Variants in BRDT observed in about 807,000 individuals in gnomAD.
The protein encoded by BRDT is bromodomain testis-specific protein.
BRDT carries 77 observed loss-of-function variants against 113.9 expected under a neutral mutation model. The observed-to-expected ratio is 0.68, with a 90% CI of 0.56 to 0.82. BRDT has a LOEUF of 0.82. BRDT is among the 40% of genes least tolerant of loss of function. The pLI, the probability that BRDT is intolerant of heterozygous loss-of-function variation, is 0.00. For missense variants in BRDT, 1,027 were observed against 1,105.4 expected (o/e 0.93, Z 1.01); for synonymous variants, 358 against 366.5 (o/e 0.98, Z 0.26).
chr1:91,975,047 C>G (rs575670393), intron 4 of BRDT, among the ~76,000 whole-genome samples: 1 of 151,976 alleles, frequency 6.6e-6, no homozygotes, highest in African/African-American at 2.4e-5. Flanking sequence ...ATCCAAACAC[C>G]GTATGTTCTC....
chr1:91,995,363 T>C (rs1255501134), intron 15 of BRDT, among the ~76,000 whole-genome samples: 1 of 151,912 alleles, frequency 6.6e-6, no homozygotes, highest in Non-Finnish European at 1.5e-5. Context: ...GATGTTTTGA[T>C]CCTTCTTCAC....
intron 12 of BRDT, among the ~76,000 whole-genome samples, chr1:91,987,508 G>C (rs542834374): frequency 6.6e-6 from 1 of 150,570 alleles, no homozygotes; most frequent in African/African-American, 2.4e-5. Context: ...TAATTTTTTT[G>C]ATATTTTTTA....
chr1:91,980,585 C>G, intron 8 of BRDT, 58 bp from the exon 9 acceptor site: 197 of 1,145,402 alleles, frequency 1.7e-4, no homozygotes, highest in Admixed American at 2.6e-4. Flanking sequence ...TGATTTTTTT[C>G]TAGTTTCTTT....
chr1:91,994,153 T>C lies in BRDT; in HGVS notation c.2186T>C (p.Val729Ala), dbSNP rs770154653. 1 of 1,613,754 alleles carries C rather than the reference T, an allele frequency of 6.2e-7. No homozygotes were observed. The highest frequency in any genetic ancestry group is 8.5e-7 in the Non-Finnish European group (1 of 1,179,796). ...TLVHQTTPSH[V>A]MPPNHHQLAF... Reference sequence around the variant, plus strand: ...GTTCATCAGACCACACCTTCACATGTAATGCCACCAAATCACCACCAATTA... The same window carrying C: ...GTTCATCAGACCACACCTTCACATGCAATGCCACCAAATCACCACCAATTA... Residue 729 changes from valine (V) to alanine (A), a missense_variant, in exon 15 of 19, where the codon GTA becomes GCA. Physicochemically the swap from Val to Ala is moderately conservative, Grantham distance 64 (BLOSUM62 0). Coordinates refer to ENST00000399546, the MANE Select transcript of BRDT (RefSeq NM_207189.4).
chr1:91,961,198 C>T (rs1039042031), intron 1 of BRDT, among the ~76,000 whole-genome samples: 2 of 152,108 alleles, frequency 1.3e-5, no homozygotes, highest in African/African-American at 4.8e-5. Context: ...GTAATCCCAG[C>T]TACTCAGGAA....
rs1479587829 is a variant in BRDT at position 91,962,769 on chromosome 1, T to G, written c.15T>G (p.Ser5Arg). 6.3e-7 allele frequency: 1 copy of G among 1,589,696 alleles called. No individual in the cohort carries two copies. Among genetic ancestry groups the G allele is most frequent in the Non-Finnish European group, 8.5e-7 (1 of 1,170,576 alleles). Residue 5 changes from serine to arginine, a missense_variant, in exon 2 of 19, where the codon AGT (serine) becomes AGG (arginine). Transcript: ENST00000399546. ...AGCAGTTAAGAATGTCTCTGCCAAG[T>G]CGACAAACAGCTATTATTGTTAACC... MSLP[S>R]RQTAIIVNPP...
At chr1:92,014,109 A>G (rs530644187) in intron 18 of BRDT, 97 bp from the exon 19 acceptor site, 20 of 760,920 alleles carry the variant, frequency 2.6e-5, no homozygotes, top group South Asian at 1.0e-4. Flanking sequence ...TTTCTTTTGT[A>G]TGATTTGTTC....
chr1:92,012,850 C>T (rs536919505), intron 18 of BRDT, among the ~76,000 whole-genome samples: 151 of 152,056 alleles, frequency 9.9e-4, no homozygotes, highest in African/African-American at 3.6e-3. Context: ...GCAGAGGTTG[C>T]AGTGAGCTGA....
chr1:92,003,613 T>C (rs545732435), intron 16 of BRDT, among the ~76,000 whole-genome samples: 1 of 152,292 alleles, frequency 6.6e-6, no homozygotes, highest in South Asian at 2.1e-4. Flanking sequence ...TTTGGAACAG[T>C]TTGACTATAC....
chr1:91,996,466 T>G (rs1686349645), intron 15 of BRDT, among the ~76,000 whole-genome samples: 1 of 152,110 alleles, frequency 6.6e-6, no homozygotes, highest in African/African-American at 2.4e-5. Flanking sequence ...AGGCTGGTCT[T>G]GAACTCCTGG....
At chr1:91,959,431 T>A (rs945223939) in intron 1 of BRDT, among the ~76,000 whole-genome samples, 4 of 150,802 alleles carry the variant, frequency 2.7e-5, no homozygotes, top group South Asian at 2.1e-4. Context: ...TTTTTTTTTT[T>A]TTTTTATTTT....
chr1:92,007,111 G>C (rs558537831), intron 18 of BRDT, among the ~76,000 whole-genome samples: 3 of 152,128 alleles, frequency 2.0e-5, no homozygotes, highest in Non-Finnish European at 2.9e-5. Flanking sequence ...GTTTAGACTA[G>C]TTACATTCAG....
chr1:91,996,708 A>G (rs1273977341), intron 15 of BRDT, among the ~76,000 whole-genome samples: 1 of 152,234 alleles, frequency 6.6e-6, no homozygotes, highest in Non-Finnish European at 1.5e-5. Flanking sequence ...AAGCATGTGG[A>G]TATATAAGGT....
chr1:91,973,251 A>C (rs1263597794), intron 4 of BRDT, among the ~76,000 whole-genome samples: 1 of 152,128 alleles, frequency 6.6e-6, no homozygotes, highest in African/African-American at 2.4e-5. Context: ...CTTAGGATTG[A>C]CTTGGCAATG....
chr1:92,005,147 T>G lies in BRDT; in HGVS notation c.2623T>G (p.Ser875Ala). The change falls in exon 18 of 19, where the codon TCT (serine) becomes GCT (alanine). Residue 875 changes from serine to alanine, a missense_variant. By Grantham distance (99) the Ser-to-Ala change is moderately conservative. Transcript: ENST00000399546. ...TCTTGGGAATGGATTGACTGTAGAA[T>G]CTTTTTCAAATAAAATACAAAACAA... ...RDLGNGLTVE[S>A]FSNKIQNKCS... 6.5e-7 allele frequency: 1 copy of G among 1,538,456 alleles called. No homozygotes were observed. Among genetic ancestry groups the G allele is most frequent in the South Asian group, 1.3e-5 (1 of 77,350 alleles).
intron 18 of BRDT, among the ~76,000 whole-genome samples, chr1:92,007,094 A>C (rs920927622): frequency 3.3e-5 from 5 of 152,182 alleles, no homozygotes; most frequent in Admixed American, 2.0e-4. Flanking sequence ...CTGCCTTTTA[A>C]TCACATGTTT....
chr1:92,012,841 C>A (rs2101846646), intron 18 of BRDT, among the ~76,000 whole-genome samples: 1 of 152,054 alleles, frequency 6.6e-6, no homozygotes, highest in East Asian at 1.9e-4. Context: ...GCCTGCGAGG[C>A]AGAGGTTGCA....
chr1:91,954,354 A>G (rs1352611714), intron 1 of BRDT, among the ~76,000 whole-genome samples: 3 of 137,262 alleles, frequency 2.2e-5, no homozygotes, highest in African/African-American at 8.4e-5. Flanking sequence ...ATCATGGCTC[A>G]CTGCAGCCTC....
chr1:91,980,597 A>G (rs769469867), intron 8 of BRDT, 46 bp from the exon 9 acceptor site: 94 of 1,347,436 alleles, frequency 7.0e-5, no homozygotes, highest in Non-Finnish European at 8.8e-5. Context: ...AGTTTCTTTA[A>G]TTATTTAGAG....
Sources: gnomAD v4.1 joint callset for allele counts (sites outside exome capture counted in the v4.1 genomes callset) on GRCh38, gnomAD v4.1.1 for gene constraint, MANE v1.5 for transcripts, NCBI Gene and HGNC (gene_info 2026-07-23, HGNC 2026-07-21) for gene names.